Variants in AFAP1L2 observed in about 807,000 individuals in gnomAD.
The protein encoded by AFAP1L2 is actin filament associated protein 1 like 2, also known as actin filament-associated protein 1-like 2.
Under a neutral mutation model 99.3 loss-of-function variants are expected in AFAP1L2, and 46 were observed. That is an observed-to-expected ratio of 0.46 (90% CI 0.37 to 0.59). The LOEUF (loss-of-function observed/expected upper bound fraction) is 0.59. Among genes scored for constraint, AFAP1L2 ranks in the 20% least tolerant of loss-of-function variants. The probability of loss-of-function intolerance (pLI) is 0.00; values close to 1 mark genes in which losing one functional copy is unlikely to be tolerated. For missense variants in AFAP1L2, 959 were observed against 1,034.9 expected (o/e 0.93, Z 1.01); for synonymous variants, 397 against 419.1 (o/e 0.95, Z 0.64).
At position 114,302,451 on chromosome 10, in the gene AFAP1L2, C is replaced by G; in HGVS notation, c.1318G>C (p.Gly440Arg). ...KSSEEMGHWL[G>R]LLLSESGSKT... ...GAGCCTGACTCAGAGAGCAGGAGAC[C>G]CAGCCAGTGGCCCATTTCCTCGGAA... Residue 440 changes from glycine (G) to arginine (R), a missense_variant, in exon 12 of 19, where the codon GGT becomes CGT. Transcript: ENST00000304129. 1.2e-6 allele frequency: 2 copies of G among 1,614,096 alleles called. No homozygotes were observed.
intron 10 of AFAP1L2, among the ~76,000 whole-genome samples, chr10:114,306,373 G>A (rs530854698): frequency 1.3e-5 from 2 of 151,574 alleles, no homozygotes; most frequent in South Asian, 4.2e-4. Context: ...GCGGGGGCAG[G>A]AGGGCATGGG....
chr10:114,310,297 A>G (rs1041863012), intron 8 of AFAP1L2, 57 bp downstream of exon 8: 118 of 1,540,766 alleles, frequency 7.7e-5, no homozygotes, highest in Non-Finnish European at 3.9e-5. Context: ...TGCACTTTTA[A>G]TTTTTACAGA....
chr10:114,325,639 C>T (rs1276875587), intron 4 of AFAP1L2, among the ~76,000 whole-genome samples: 2 of 152,228 alleles, frequency 1.3e-5, no homozygotes, highest in Admixed American at 1.3e-4. Flanking sequence ...GGTTGCACAC[C>T]TCTGCCCAGG....
Position 114,327,179 on chromosome 10 carries a change from T to TATAA in AFAP1L2, c.316-3919_316-3918insTTAT. Among the ~76,000 whole-genome samples the TATAA allele has an allele frequency of 3.0e-5, 2 of 66,218 alleles. 1 individual carries two copies. The highest frequency in any genetic ancestry group is 8.6e-5 in the Non-Finnish European group (2 of 23,364). The allele number at this position is 66,218 out of a possible 152,430, so 43.4% of individuals were successfully genotyped here. ...TATATATATATATATATATATTTTT[T>TATAA]TTTTAGGCAGAGTCTCACTGTGTTG... is the stretch of plus-strand genomic sequence containing the variant. On this transcript the variant is annotated intron_variant, in intron 4 of 18. Coordinates refer to ENST00000304129, the MANE Select transcript of AFAP1L2 (RefSeq NM_001001936.3).
rs537244175 is a variant in AFAP1L2, at chr10:114,305,043, G to A, written c.1073-113C>T. The A allele has an allele frequency of 3.0e-4, 213 of 698,644 alleles. 1 individual carries two copies. The African/African-American group carries it at 3.1e-3, about 10-fold the overall frequency. 43.3% of individuals were successfully genotyped at this position (698,644 alleles called of 1,614,324 possible). A position where few individuals can be genotyped will look rare whatever the true frequency, so the allele number is the denominator to read the frequency against. ...CAGATGCAGGAGGGGGCGGGGCTGC[G>A]GGAGGGGAAGCGGATGCGGATGCAA... On this transcript the variant is annotated intron_variant, in intron 10 of 18. Transcript: ENST00000304129.
At chr10:114,338,587 T>C (rs2048326984) in intron 2 of AFAP1L2, among the ~76,000 whole-genome samples, 1 of 152,220 alleles carries the variant, frequency 6.6e-6, no homozygotes, top group Non-Finnish European at 1.5e-5. Context: ...ATTCACAGAA[T>C]GGAATACTAC....
Position 114,327,182 on chromosome 10 carries a change from T to A in AFAP1L2, c.316-3921A>T, listed in dbSNP as rs1262537446. The stretch of plus-strand genomic sequence containing the variant: ...ATATATATATATATATATTTTTTTT[T>A]TAGGCAGAGTCTCACTGTGTTGCCC... On this transcript the variant is annotated intron_variant, in intron 4 of 18. Coordinates refer to ENST00000304129, the MANE Select transcript of AFAP1L2 (RefSeq NM_001001936.3). 1.5e-3 allele frequency among the ~76,000 whole-genome samples: 185 copies of A among 119,458 alleles called. 1 individual carries two copies. Among genetic ancestry groups the A allele is most frequent in the Middle Eastern group, 4.2e-3 (1 of 238 alleles). 78.4% of individuals were successfully genotyped at this position (119,458 alleles called of 152,430 possible). A position where few individuals can be genotyped will look rare whatever the true frequency, so the allele number is the denominator to read the frequency against.
chr10:114,314,078 C>G (rs375310233), intron 6 of AFAP1L2, 28 bp from the exon 7 acceptor site: 11 of 1,594,804 alleles, frequency 6.9e-6, no homozygotes, highest in Non-Finnish European at 8.6e-6. Flanking sequence ...AGATACACCA[C>G]TTTGCCAGGG....
rs115357601 is a variant in AFAP1L2 at position 114,337,940 on chromosome 10, C to A, written c.145+2663G>T. On this transcript the variant is annotated intron_variant, in intron 2 of 18. Coordinates refer to ENST00000304129, the MANE Select transcript of AFAP1L2 (RefSeq NM_001001936.3). ...TGTAGATTTCCCATCTGTGTTCCCA[C>A]GATGGGCTGCTTTGATGTGCTGTTG... Among the ~76,000 whole-genome samples, 598 of 152,278 alleles carry A rather than the reference C, an allele frequency of 3.9e-3. 3 individuals carry two copies. Among genetic ancestry groups the A allele is most frequent in the African/African-American group, 0.014 (568 of 41,560 alleles).
At chr10:114,306,994 A>C (rs2042554348) in intron 10 of AFAP1L2, among the ~76,000 whole-genome samples, 1 of 152,098 alleles carries the variant, frequency 6.6e-6, no homozygotes, top group Non-Finnish European at 1.5e-5. Flanking sequence ...CAGGAAGGGA[A>C]CCCAGAGATG....
intron 2 of AFAP1L2, 41 bp downstream of exon 2, chr10:114,340,562 T>C: frequency 1.3e-6 from 2 of 1,591,214 alleles, no homozygotes; most frequent in Middle Eastern, 1.7e-4. Context: ...ACCATCTCTT[T>C]TGGCGTGGAG....
chr10:114,361,927 G>T (rs539563158), intron 1 of AFAP1L2, among the ~76,000 whole-genome samples: 1 of 152,148 alleles, frequency 6.6e-6, no homozygotes, highest in Admixed American at 6.5e-5. Flanking sequence ...ATTCTTCTGC[G>T]ATTCTCTATG....
intron 11 of AFAP1L2, 101 bp downstream of exon 11, chr10:114,304,618 T>C (rs893157413): frequency 7.8e-6 from 9 of 1,154,136 alleles, no homozygotes; most frequent in African/African-American, 3.1e-5. Flanking sequence ...CGCGGGGACA[T>C]TGATTCTCCC....
chr10:114,344,779 C>T (rs2136025636), intron 1 of AFAP1L2, among the ~76,000 whole-genome samples: 1 of 152,282 alleles, frequency 6.6e-6, no homozygotes, highest in Admixed American at 6.5e-5. Flanking sequence ...TAGGAGCTCA[C>T]TGGAAAGGGG....
intron 1 of AFAP1L2, among the ~76,000 whole-genome samples, chr10:114,379,661 C>G (rs1422267304): frequency 1.3e-5 from 2 of 152,176 alleles, no homozygotes; most frequent in African/African-American, 4.8e-5. Context: ...TAGTTCCAGG[C>G]AAAATCCTTT....
chr10:114,328,580 G>C (rs969688749), intron 4 of AFAP1L2, among the ~76,000 whole-genome samples: 1 of 152,226 alleles, frequency 6.6e-6, no homozygotes, highest in Admixed American at 6.5e-5. Context: ...TACACAGCCA[G>C]GTGCTGTGGT....
intron 5 of AFAP1L2, among the ~76,000 whole-genome samples, chr10:114,318,925 G>C (rs541850535): frequency 5.9e-5 from 9 of 152,090 alleles, no homozygotes; most frequent in African/African-American, 1.9e-4. Context: ...AGGCTGAGGA[G>C]GGCAGATCAC....
At chr10:114,313,430 C>G (rs1243649270) in intron 7 of AFAP1L2, among the ~76,000 whole-genome samples, 1 of 152,156 alleles carries the variant, frequency 6.6e-6, no homozygotes, top group Non-Finnish European at 1.5e-5. Flanking sequence ...CACCACTTGG[C>G]AGACGACTTT....
intron 1 of AFAP1L2, among the ~76,000 whole-genome samples, chr10:114,387,986 A>G (rs1218449977): frequency 6.6e-6 from 1 of 152,148 alleles, no homozygotes; most frequent in Non-Finnish European, 1.5e-5. Context: ...CTCTCATCCC[A>G]GCGCCCCCTT....
Sources: allele counts gnomAD v4.1 joint callset (sites outside exome capture counted in the v4.1 genomes callset), GRCh38; gene constraint gnomAD v4.1.1; transcripts MANE v1.5; gene names NCBI Gene and HGNC (gene_info 2026-07-23, HGNC 2026-07-21).